Variants in ARAP2 observed in about 807,000 individuals in gnomAD.
ARAP2 encodes ArfGAP with RhoGAP domain, ankyrin repeat and PH domain 2, also known as arf-GAP with Rho-GAP domain, ANK repeat and PH domain-containing protein 2.
In ARAP2, 148 loss-of-function variants were observed where a neutral mutation model predicts 194.5. The observed-to-expected ratio is 0.76, with a 90% CI of 0.67 to 0.87. ARAP2 has a LOEUF of 0.87. Among genes scored for constraint, ARAP2 ranks in the 40% least tolerant of loss-of-function variants. The probability of loss-of-function intolerance (pLI) is 0.00; values close to 1 mark genes in which losing one functional copy is unlikely to be tolerated. For missense variants in ARAP2, 2,128 were observed against 1,989.7 expected, an observed-to-expected ratio of 1.07 and a Z score of -1.32; for synonymous variants, 695 against 683.5, an observed-to-expected ratio of 1.02 and a Z score of -0.26.
chr4:36,060,938 A>C (rs971189889), intron 1 of ARAP2, among the ~76,000 whole-genome samples: 8 of 152,186 alleles, frequency 5.3e-5, no homozygotes, highest in African/African-American at 1.7e-4. Context: ...GGTACTGGGA[A>C]TTAGGATTTC....
intron 29 of ARAP2, among the ~76,000 whole-genome samples, 167 bp from the exon 30 acceptor site, chr4:36,082,453 C>T (rs1301591077): frequency 1.3e-5 from 2 of 152,068 alleles, no homozygotes; most frequent in Non-Finnish European, 2.9e-5. Context: ...ATGCTAAATG[C>T]TAAGGGATCT....
rs546908311 is a variant in ARAP2, at chr4:36,228,521, T to TA, written c.905+60dup. 1.1e-3 allele frequency: 1,565 copies of TA among 1,472,256 alleles called. 1 individual carries two copies. Among genetic ancestry groups the TA allele is most frequent in the Non-Finnish European group, 1.3e-3 (1,435 of 1,096,350 alleles). The allele number at this position is 1,472,256 out of a possible 1,614,324, so 91.2% of individuals were successfully genotyped here. A position where few individuals can be genotyped will look rare whatever the true frequency, so the allele number is the denominator to read the frequency against. On this transcript the variant is annotated intron_variant, in intron 2 of 32. Coordinates refer to ENST00000303965, the MANE Select transcript of ARAP2 (RefSeq NM_015230.4). ...ATAGGAACACTGAAAATATAACTGT[T>TA]AAAAAAAATCACTGAATTTCCTCAA...
chr4:36,177,985 T>G lies in ARAP2; in HGVS notation c.1699A>C (p.Ser567Arg). Residue 567 changes from serine to arginine, a missense_variant, in exon 9 of 33, where the codon AGC becomes CGC. Coordinates refer to ENST00000303965, the MANE Select transcript of ARAP2 (RefSeq NM_015230.4). ...EKEEERNDWISILLNALKSQS... is the reference protein window; with the variant it reads ...EKEEERNDWIRILLNALKSQS... ...GATTTCAGTGCATTTAATAGTATGCTGATCCAGTCATTTCTCTCCTCTGAA... is the reference window on the plus strand; with the variant it reads ...GATTTCAGTGCATTTAATAGTATGCGGATCCAGTCATTTCTCTCCTCTGAA... 6.2e-7 allele frequency: 1 copy of G among 1,603,236 alleles called. No homozygotes were observed. The highest frequency in any genetic ancestry group is 8.5e-7 in the Non-Finnish European group (1 of 1,176,270).
intron 2 of ARAP2, among the ~76,000 whole-genome samples, chr4:36,226,774 A>G (rs1400105630): frequency 6.6e-6 from 1 of 152,210 alleles, no homozygotes; most frequent in Non-Finnish European, 1.5e-5. Flanking sequence ...CAACTAAATG[A>G]GTATCAAGAT....
intron 29 of ARAP2, 21 bp from the exon 30 acceptor site, chr4:36,082,307 A>AAAC (rs374999692): frequency 1.2e-6 from 2 of 1,600,450 alleles, no homozygotes; most frequent in African/African-American, 1.3e-5. Flanking sequence ...TAGAAAAAAA[A>AAAC]ACACACATAA....
chr4:36,119,244 A>T (rs1722107445), intron 24 of ARAP2, among the ~76,000 whole-genome samples: 1 of 151,562 alleles, frequency 6.6e-6, no homozygotes, highest in Non-Finnish European at 1.5e-5. Context: ...AAAGCATGCA[A>T]AGCAAAAGCA....
intron 2 of ARAP2, among the ~76,000 whole-genome samples, chr4:36,055,238 C>A (rs1480268759): frequency 6.6e-6 from 1 of 152,110 alleles, no homozygotes; most frequent in East Asian, 1.9e-4. Flanking sequence ...AACCTCAATC[C>A]TGTAATTTTG....
chr4:36,225,279 T>C (rs1750068240), intron 2 of ARAP2, among the ~76,000 whole-genome samples: 1 of 152,178 alleles, frequency 6.6e-6, no homozygotes, highest in African/African-American at 2.4e-5. Context: ...CCAAGGATAA[T>C]ACAATTGCAT....
rs1381719630 is a variant in ARAP2, at chr4:36,193,660, T to G, written c.1488-13A>C. 7.5e-6 allele frequency: 12 copies of G among 1,592,738 alleles called. No individual in the cohort carries two copies. The highest frequency in any genetic ancestry group is 1.0e-5 in the Non-Finnish European group (12 of 1,168,678). ...AAACATGCGTTTTCTGCAAAACATA[T>G]GAAATTGTTATTTTACATTCAAGTA... On this transcript the variant is annotated splice_polypyrimidine_tract_variant and intron_variant, in intron 6 of 32. Coordinates refer to ENST00000303965, the MANE Select transcript of ARAP2 (RefSeq NM_015230.4).
downstream of ARAP2, among the ~76,000 whole-genome samples, chr4:36,063,472 A>C (rs1373728642): frequency 6.6e-6 from 1 of 152,142 alleles, no homozygotes; most frequent in Non-Finnish European, 1.5e-5. Context: ...GAAAAAAAAA[A>C]AAAAGAGATT....
intron 31 of ARAP2, among the ~76,000 whole-genome samples, chr4:36,076,680 C>T (rs779166921): frequency 6.6e-6 from 1 of 151,988 alleles, no homozygotes; most frequent in Non-Finnish European, 1.5e-5. Context: ...CCAGGCATCT[C>T]ATCTAATCCT....
chr4:36,103,079 G>C (rs16991931), intron 27 of ARAP2, among the ~76,000 whole-genome samples: 1 of 151,592 alleles, frequency 6.6e-6, no homozygotes, highest in East Asian at 2.0e-4. Flanking sequence ...TGCTGAAATT[G>C]TCTTTTTTTT....
chr4:36,185,985 A>T (rs893232284), intron 8 of ARAP2, among the ~76,000 whole-genome samples: 9 of 152,058 alleles, frequency 5.9e-5, no homozygotes, highest in Non-Finnish European at 1.3e-4. Flanking sequence ...TCTCAAAAAA[A>T]AAAAAGGATA....
chr4:36,123,308 CTT>C (rs940591871), intron 22 of ARAP2, among the ~76,000 whole-genome samples: 2 of 151,718 alleles, frequency 1.3e-5, no homozygotes, highest in African/African-American at 4.8e-5. Context: ...AGGAAATACT[CTT>C]TTAGCTAGGG....
chr4:36,083,373 T>C lies in ARAP2; in HGVS notation c.4503A>G (p.Pro1501=), dbSNP rs1730063465. Reference sequence around the variant, plus strand: ...ACTTCCCTTTCAAACTTTACCTTGTTGGAGGCTTCATTTTCTTTTTCACTC... The same window carrying C: ...ACTTCCCTTTCAAACTTTACCTTGTCGGAGGCTTCATTTTCTTTTTCACTC... ...YRGVKKKMKP[P]TSWGLTAYSE... is the part of the protein sequence containing the mutation. The change falls in exon 29 of 33, where the codon CCA becomes CCG. Residue 1501 remains proline (P), a synonymous_variant. Transcript: ENST00000303965. The C allele has an allele frequency of 6.2e-7, 1 of 1,601,558 alleles. No homozygotes were observed. Among genetic ancestry groups the C allele is most frequent in the Non-Finnish European group, 8.5e-7 (1 of 1,174,302 alleles).
intron 28 of ARAP2, among the ~76,000 whole-genome samples, chr4:36,087,825 G>A (rs891019579): frequency 1.3e-5 from 2 of 151,984 alleles, no homozygotes; most frequent in East Asian, 3.9e-4. Context: ...AATTTCCTTT[G>A]TAAGTTTCTG....
chr4:36,097,284 G>T (rs1417800975), intron 27 of ARAP2, among the ~76,000 whole-genome samples: 1 of 151,476 alleles, frequency 6.6e-6, no homozygotes, highest in Admixed American at 6.6e-5. Flanking sequence ...GATGAGGGAA[G>T]AGCAAAAAAA....
intron 26 of ARAP2, among the ~76,000 whole-genome samples, chr4:36,110,621 T>A (rs1324908279): frequency 6.6e-6 from 1 of 151,932 alleles, no homozygotes; most frequent in Non-Finnish European, 1.5e-5. Flanking sequence ...CTAACTCAGC[T>A]TAATGTATAT....
At chr4:36,179,359 G>A (rs192110703) in intron 8 of ARAP2, among the ~76,000 whole-genome samples, 21 of 152,250 alleles carry the variant, frequency 1.4e-4, no homozygotes, top group African/African-American at 2.2e-4. Context: ...AAAAGGTAAC[G>A]TGGCATCAGA....
Sources: allele counts gnomAD v4.1 joint callset (sites outside exome capture counted in the v4.1 genomes callset), GRCh38; gene constraint gnomAD v4.1.1; transcripts MANE v1.5; gene names NCBI Gene and HGNC (gene_info 2026-07-23, HGNC 2026-07-21).